The following MSANTD5 variants were observed in gnomAD, a reference collection of about 807,000 sequenced individuals.
The protein encoded by MSANTD5 is uncharacterized protein MSANTD5.
At chr5:178,704,749 G>A in the MSANTD5 span, among the ~76,000 whole-genome samples, 4 of 152,310 alleles carry the variant, frequency 2.6e-5, no homozygotes, top group East Asian at 7.7e-4. Context: ...TGCAGATAAG[G>A]AGTCACTGTT....
intron 1 of MSANTD5, among the ~76,000 whole-genome samples, chr5:178,696,415 G>A (rs1448554037): frequency 7.2e-5 from 11 of 151,952 alleles, no homozygotes; most frequent in Admixed American, 2.6e-4. Context: ...TAGTAGAGAC[G>A]TTGTTTCACC....
At chr5:178,706,699 G>A in the MSANTD5 span, among the ~76,000 whole-genome samples, 1 of 140,864 alleles carries the variant, frequency 7.1e-6, no homozygotes, top group Non-Finnish European at 1.6e-5. Flanking sequence ...ACTCTGGCAA[G>A]CTTTTTTTCC....
At chr5:178,693,847 C>G (rs138435696), downstream of MSANTD5, among the ~76,000 whole-genome samples, 382 of 152,112 alleles carry the variant, frequency 2.5e-3, 6 homozygotes, top group African/African-American at 8.8e-3. Flanking sequence ...CTCCAAGTCC[C>G]CACCCGACCC....
chr5:178,692,530 A>G (rs1204144151), downstream of MSANTD5, among the ~76,000 whole-genome samples: 1 of 152,062 alleles, frequency 6.6e-6, no homozygotes, highest in Non-Finnish European at 1.5e-5. Flanking sequence ...AACTGGAAAC[A>G]TCCCGGATGT....
the MSANTD5 span, among the ~76,000 whole-genome samples, chr5:178,705,966 CA>C: frequency 6.6e-6 from 1 of 151,892 alleles, no homozygotes; most frequent in Non-Finnish European, 1.5e-5. Flanking sequence ...CAAAACAAAA[CA>C]AAAAAAGAGG....
chr5:178,691,907 G>A (rs558657872), downstream of MSANTD5, among the ~76,000 whole-genome samples: 15 of 134,810 alleles, frequency 1.1e-4, 5 homozygotes, highest in Non-Finnish European at 2.5e-4. Context: ...TCTAAGCTCT[G>A]CTAAGGCCCT....
upstream of MSANTD5, among the ~76,000 whole-genome samples, chr5:178,702,489 C>T (rs180989456): frequency 5.3e-4 from 80 of 151,682 alleles, 1 homozygote; most frequent in East Asian, 8.0e-3. Context: ...TTAGTAGAGA[C>T]GGGCTTTCAC....
chr5:178,693,680 C>A (rs140723448), downstream of MSANTD5, among the ~76,000 whole-genome samples: 2 of 152,136 alleles, frequency 1.3e-5, no homozygotes, highest in African/African-American at 4.8e-5. Context: ...CTTTTATTCC[C>A]TTATTTGCCC....
At chr5:178,693,512 C>T (rs984928786), downstream of MSANTD5, among the ~76,000 whole-genome samples, 2 of 151,946 alleles carry the variant, frequency 1.3e-5, no homozygotes, top group East Asian at 3.9e-4. Context: ...ACAATGAAGC[C>T]ACGTACCTTC....
chr5:178,694,918 C>T (rs115692114), exon 4 of MSANTD5: 1,567 of 152,136 alleles, frequency 0.01, 16 homozygotes, highest in Non-Finnish European at 0.018. Flanking sequence ...TCGGGAGGTG[C>T]GAGGTTAACC....
upstream of MSANTD5, among the ~76,000 whole-genome samples, chr5:178,702,412 G>T (rs1016521616): frequency 9.3e-5 from 13 of 140,268 alleles, no homozygotes; most frequent in African/African-American, 3.5e-4. Context: ...GCGATTCTTC[G>T]GCCTCAGCCT....
At chr5:178,696,652 C>A (rs1765416249) in intron 1 of MSANTD5, among the ~76,000 whole-genome samples, 2 of 152,070 alleles carry the variant, frequency 1.3e-5, no homozygotes, top group African/African-American at 4.8e-5. Context: ...CTGCAAGTAC[C>A]CAGCTCAAAC....
At chr5:178,698,045 G>A (rs915695813), upstream of MSANTD5, among the ~76,000 whole-genome samples, 2 of 152,148 alleles carry the variant, frequency 1.3e-5, no homozygotes, top group African/African-American at 4.8e-5. Context: ...CTGAGTTCGT[G>A]CTGAATGGTC....
upstream of MSANTD5, among the ~76,000 whole-genome samples, chr5:178,699,559 G>A (rs6878586): frequency 0.66 from 100,313 of 151,748 alleles, 34,830 homozygotes; most frequent in East Asian, 0.76. Context: ...TGACAGGCGC[G>A]TGCCACCACA....
upstream of MSANTD5, among the ~76,000 whole-genome samples, chr5:178,699,937 T>TCTAAGGGGGACCC (rs58269048): frequency 6.8e-5 from 10 of 146,762 alleles, no homozygotes; most frequent in South Asian, 2.1e-4. Flanking sequence ...TTCTGTGGCT[T>TCTAAGGGGGACCC]TCCAGCACAG....
downstream of MSANTD5, among the ~76,000 whole-genome samples, chr5:178,694,187 G>A (rs1186212445): frequency 6.6e-6 from 1 of 151,660 alleles, no homozygotes; most frequent in Non-Finnish European, 1.5e-5. Flanking sequence ...CATGGTGGCG[G>A]GCGCCTGTAA....
At chr5:178,698,324 G>C (rs1299007953), upstream of MSANTD5, among the ~76,000 whole-genome samples, 1 of 152,174 alleles carries the variant, frequency 6.6e-6, no homozygotes, top group East Asian at 1.9e-4. Context: ...TTAATAGTTT[G>C]GGCAAGTAAG....
chr5:178,704,707 G>A, the MSANTD5 span, among the ~76,000 whole-genome samples: 130 of 152,366 alleles, frequency 8.5e-4, no homozygotes, highest in Admixed American at 1.7e-3. Flanking sequence ...AGTGTCCCCT[G>A]AGCTACGGAT....
chr5:178,694,265 G>A (rs1765386778), downstream of MSANTD5, among the ~76,000 whole-genome samples: 1 of 141,406 alleles, frequency 7.1e-6, no homozygotes, highest in African/African-American at 2.7e-5. Context: ...GCAGTGAGCC[G>A]AGATCATGCC....
Sources: allele counts gnomAD v4.1 joint callset (sites outside exome capture counted in the v4.1 genomes callset), GRCh38; gene constraint gnomAD v4.1.1; transcripts MANE v1.5; gene names NCBI Gene and HGNC (gene_info 2026-07-23, HGNC 2026-07-21).